Variants in EXOC4 observed in about 807,000 individuals in gnomAD.
EXOC4 encodes the protein exocyst complex component 4, also known as SEC8-like 1.
EXOC4 carries 71 observed loss-of-function variants against 107.2 expected under a neutral mutation model. The ratio of observed to expected loss-of-function variants is 0.66; its 90% CI spans 0.55 to 0.81. The LOEUF (loss-of-function observed/expected upper bound fraction) is 0.81, where lower values mean the gene tolerates loss of function less well. Among genes scored for constraint, EXOC4 ranks in the 30% least tolerant of loss-of-function variants. The pLI is 0.00. For missense variants in EXOC4, 1,108 were observed against 1,189.6 expected (o/e 0.93, Z 1.01); for synonymous variants, 456 against 441.2 (o/e 1.03, Z -0.42).
At chr7:133,407,692 A>C (rs1188379359) in intron 7 of EXOC4, among the ~76,000 whole-genome samples, 1 of 152,212 alleles carries the variant, frequency 6.6e-6, no homozygotes, top group Non-Finnish European at 1.5e-5. Flanking sequence ...ATTTAAATAA[A>C]ATGCTGATAA....
chr7:133,702,350 T>TCCCCCCCCCCCCCCCCCCCCC (rs1794683934), intron 10 of EXOC4, among the ~76,000 whole-genome samples: 1 of 142,280 alleles, frequency 7.0e-6, no homozygotes. Context: ...TCTCTTCCCT[T>TCCCCCCCCCCCCCCCCCCCCC]CCCATCTTGA....
intron 11 of EXOC4, among the ~76,000 whole-genome samples, chr7:133,833,792 T>G (rs995168552): frequency 2.0e-5 from 3 of 152,200 alleles, no homozygotes; most frequent in Non-Finnish European, 4.4e-5. Flanking sequence ...CTCAAACTCC[T>G]GGGCTCAAGC....
chr7:133,763,715 G>A (rs936344290), intron 10 of EXOC4, among the ~76,000 whole-genome samples: 1 of 150,354 alleles, frequency 6.7e-6, no homozygotes, highest in Non-Finnish European at 1.5e-5. Context: ...AAAAAAAAAA[G>A]ATTGCAACAG....
intron 17 of EXOC4, among the ~76,000 whole-genome samples, chr7:134,016,796 TTG>T (rs1794918802): frequency 6.6e-6 from 1 of 152,150 alleles, no homozygotes; most frequent in Admixed American, 6.5e-5. Flanking sequence ...GCAGGAAAGG[TTG>T]TGAGTTTTCC....
chr7:133,728,747 A>G (rs1167067672), intron 10 of EXOC4, among the ~76,000 whole-genome samples: 2 of 152,180 alleles, frequency 1.3e-5, no homozygotes, highest in African/African-American at 2.4e-5. Flanking sequence ...ACAAGTCATT[A>G]TACTGAGACC....
chr7:133,852,698 C>T (rs866554177), intron 11 of EXOC4, among the ~76,000 whole-genome samples: 6 of 152,116 alleles, frequency 3.9e-5, no homozygotes, highest in Non-Finnish European at 5.9e-5. Flanking sequence ...AAAATCCTTT[C>T]CCCCGCTTTT....
intron 5 of EXOC4, among the ~76,000 whole-genome samples, chr7:133,350,846 A>C (rs1795893280): frequency 6.7e-6 from 1 of 149,864 alleles, no homozygotes; most frequent in Non-Finnish European, 1.5e-5. Context: ...CCATTCATTT[A>C]TTTGTTTCCA....
chr7:133,958,229 C>A (rs559785913), intron 14 of EXOC4, among the ~76,000 whole-genome samples: 1 of 151,902 alleles, frequency 6.6e-6, no homozygotes, highest in Admixed American at 6.6e-5. Context: ...AATGAATCAA[C>A]CATTTTTCTT....
chr7:134,004,857 G>A, intron 15 of EXOC4, 55 bp from the exon 16 acceptor site: 2 of 1,459,870 alleles, frequency 1.4e-6, no homozygotes, highest in Non-Finnish European at 9.4e-7. Flanking sequence ...CAAGATCATT[G>A]CCCTCCCTGG....
In EXOC4 at chr7:133,392,302, A is replaced by AT. The variant is rs1796870709; in HGVS notation, c.1182+17304dup. ...CTCTTGTTTTTCTACACCCAGGCAC[A>AT]TTTTAGATGCTTTCCTGATTGACAT... On this transcript the variant is annotated intron_variant, in intron 7 of 17. Coordinates refer to ENST00000253861, the MANE Select transcript of EXOC4 (RefSeq NM_021807.4). Among the ~76,000 whole-genome samples, 3 of 152,254 alleles carry AT rather than the reference A, an allele frequency of 2.0e-5. No homozygotes were observed. The South Asian group carries it at 6.2e-4, about 32-fold the overall frequency.
chr7:133,955,825 G>A (rs867396427), intron 14 of EXOC4, among the ~76,000 whole-genome samples: 5 of 152,254 alleles, frequency 3.3e-5, no homozygotes, highest in South Asian at 2.1e-4. Flanking sequence ...GCGTGCATAC[G>A]TGACCAGGTT....
intron 5 of EXOC4, among the ~76,000 whole-genome samples, chr7:133,352,507 C>T (rs1795933963): frequency 6.6e-6 from 1 of 151,712 alleles, no homozygotes; most frequent in South Asian, 2.1e-4. Flanking sequence ...TTTTTCCAGC[C>T]TTTTACTTTC....
At chr7:133,667,837 A>C (rs988855685) in intron 10 of EXOC4, among the ~76,000 whole-genome samples, 9 of 152,234 alleles carry the variant, frequency 5.9e-5, no homozygotes, top group African/African-American at 2.2e-4. Context: ...TCCAACAACT[A>C]GTGCATTTGG....
At chr7:133,292,126 C>T (rs186711246) in intron 3 of EXOC4, among the ~76,000 whole-genome samples, 2 of 152,150 alleles carry the variant, frequency 1.3e-5, no homozygotes, top group Non-Finnish European at 2.9e-5. Flanking sequence ...GGGCAGATCA[C>T]GTGAGGTCAG....
the EXOC4 span, among the ~76,000 whole-genome samples, chr7:134,098,731 C>CA: frequency 1.3e-5 from 2 of 152,170 alleles, no homozygotes; most frequent in Non-Finnish European, 1.5e-5. Flanking sequence ...TTCCCAGGGC[C>CA]AACAAGAGCT....
intron 7 of EXOC4, among the ~76,000 whole-genome samples, chr7:133,383,238 A>G (rs1008507597): frequency 4.2e-4 from 64 of 152,298 alleles, no homozygotes; most frequent in African/African-American, 1.5e-3. Flanking sequence ...GAACAAACCC[A>G]TCCTCCAGAC....
chr7:133,518,204 G>A (rs1662090197), intron 9 of EXOC4, among the ~76,000 whole-genome samples: 2 of 151,832 alleles, frequency 1.3e-5, no homozygotes, highest in Non-Finnish European at 2.9e-5. Context: ...TGGAGAAATC[G>A]GCCGTATTTT....
At chr7:133,360,887 T>C (rs927348553) in intron 6 of EXOC4, among the ~76,000 whole-genome samples, 2 of 152,214 alleles carry the variant, frequency 1.3e-5, no homozygotes, top group Non-Finnish European at 2.9e-5. Flanking sequence ...ATATAATACC[T>C]GTTTTTAAAC....
intron 7 of EXOC4, among the ~76,000 whole-genome samples, chr7:133,393,043 C>T (rs1388114904): frequency 6.6e-6 from 1 of 152,086 alleles, no homozygotes; most frequent in Admixed American, 6.6e-5. Context: ...TCTGTCCTTT[C>T]CTACAGTAGT....
Sources: allele counts gnomAD v4.1 joint callset (sites outside exome capture counted in the v4.1 genomes callset), GRCh38; gene constraint gnomAD v4.1.1; transcripts MANE v1.5; gene names NCBI Gene and HGNC (gene_info 2026-07-23, HGNC 2026-07-21).